The following SLC30A9 variants were observed in gnomAD, a reference collection of about 807,000 sequenced individuals.
SLC30A9 encodes the protein proton-coupled zinc antiporter SLC30A9, mitochondrial.
SLC30A9 carries 58 observed loss-of-function variants against 87.5 expected under a neutral mutation model. The observed-to-expected ratio is 0.66, with a 90% CI of 0.54 to 0.82. The LOEUF (loss-of-function observed/expected upper bound fraction) is 0.82. Ranked by LOEUF, SLC30A9 falls within the 40% of genes least tolerant of loss-of-function variation. The probability of loss-of-function intolerance (pLI) is 0.00; values close to 1 mark genes in which losing one functional copy is unlikely to be tolerated. For missense variants in SLC30A9, 557 were observed against 679.1 expected (o/e 0.82, Z 2.00); for synonymous variants, 234 against 233.0 (o/e 1.00, Z -0.04).
intron 6 of SLC30A9, among the ~76,000 whole-genome samples, chr4:42,034,431 T>G (rs1203666306): frequency 1.2e-5 from 1 of 86,012 alleles, no homozygotes; most frequent in Non-Finnish European, 3.2e-5. Context: ...CCCATTTCCC[T>G]GCCACCCCCC....
chr4:42,050,324 GTCTC>G (rs1717334261), intron 9 of SLC30A9, among the ~76,000 whole-genome samples: 2 of 152,070 alleles, frequency 1.3e-5, no homozygotes, highest in African/African-American at 4.8e-5. Context: ...CTTAAATACT[GTCTC>G]TATAAAATTT....
chr4:42,062,863 T>TA (rs1717919248), intron 10 of SLC30A9, 123 bp from the exon 11 acceptor site: 1 of 821,430 alleles, frequency 1.2e-6, no homozygotes, highest in Non-Finnish European at 1.8e-6. Context: ...CTTAACATCT[T>TA]ACTTAAATAT....
At chr4:42,040,798 AAAAAAAAAAAAAG>A (rs1445362484) in intron 8 of SLC30A9, among the ~76,000 whole-genome samples, 5 of 102,294 alleles carry the variant, frequency 4.9e-5, no homozygotes, top group Non-Finnish European at 8.0e-5. Flanking sequence ...TCTGTCTCAA[AAAAAAAAAAAAAG>A]AAAAAGAAAA....
chr4:42,071,073 A>G (rs142173165), intron 15 of SLC30A9, among the ~76,000 whole-genome samples: 2,225 of 152,204 alleles, frequency 0.015, 28 homozygotes, highest in South Asian at 0.023. Flanking sequence ...TCATTGGGCA[A>G]TGATTACCAA....
At chr4:42,015,151 A>G (rs1715658859) in intron 2 of SLC30A9, among the ~76,000 whole-genome samples, 2 of 152,218 alleles carry the variant, frequency 1.3e-5, no homozygotes, top group Non-Finnish European at 2.9e-5. Context: ...CCTGTTTCAA[A>G]ATACCTCATG....
chr4:42,037,885 C>T (rs1716757509), intron 7 of SLC30A9, among the ~76,000 whole-genome samples: 2 of 152,182 alleles, frequency 1.3e-5, no homozygotes, highest in South Asian at 4.1e-4. Flanking sequence ...ATTCTCATGC[C>T]TCAGCCTCCT....
intron 2 of SLC30A9, among the ~76,000 whole-genome samples, chr4:42,012,361 A>G (rs1715482070): frequency 6.6e-6 from 1 of 152,142 alleles, no homozygotes; most frequent in Admixed American, 6.6e-5. Context: ...AATAAATGCT[A>G]CTCTGGAATT....
intron 11 of SLC30A9, among the ~76,000 whole-genome samples, chr4:42,064,073 C>T (rs1284403469): frequency 6.6e-6 from 1 of 152,176 alleles, no homozygotes; most frequent in African/African-American, 2.4e-5. Context: ...GGATGTATCA[C>T]TCAGGTATGC....
chr4:42,066,942 G>A (rs1026754840), intron 13 of SLC30A9, 143 bp from the exon 14 acceptor site: 1 of 575,910 alleles, frequency 1.7e-6, no homozygotes, highest in Non-Finnish European at 3.0e-6. Flanking sequence ...ATTGAGCAAG[G>A]TTTTTAAAAT....
At chr4:42,028,586 C>G (rs1273997335) in intron 6 of SLC30A9, among the ~76,000 whole-genome samples, 1 of 152,174 alleles carries the variant, frequency 6.6e-6, no homozygotes, top group Non-Finnish European at 1.5e-5. Context: ...ATATTTAAAG[C>G]CTTTTCATCA....
chr4:42,012,585 A>G (rs907788031), intron 2 of SLC30A9, among the ~76,000 whole-genome samples: 5 of 152,298 alleles, frequency 3.3e-5, no homozygotes, highest in African/African-American at 1.2e-4. Flanking sequence ...CCCCTCAAGT[A>G]TTTATCCTTT....
At position 42,088,782 on chromosome 4, in the gene SLC30A9, AT is replaced by A. The variant is rs1183812748; in HGVS notation, c.*2659del. The A allele has an allele frequency of 1.3e-5, 2 of 152,142 alleles. No homozygotes were observed. Among genetic ancestry groups the A allele is most frequent in the Non-Finnish European group, 2.9e-5 (2 of 68,034 alleles). The allele number at this position is 152,142 out of a possible 1,614,324, so 9.4% of individuals were successfully genotyped here. ...ACATGGGATTACAATTCGACATGAG[AT>A]TTGGTGGGGACAAAGATCCAAAGCA... On this transcript the variant is annotated 3_prime_UTR_variant, in exon 18 of 18. Transcript: ENST00000264451.
intron 14 of SLC30A9, among the ~76,000 whole-genome samples, chr4:42,068,956 G>A (rs1038023485): frequency 3.3e-5 from 5 of 152,122 alleles, no homozygotes; most frequent in Admixed American, 6.5e-5. Context: ...ATAATTTTAG[G>A]TGACGAGCTT....
chr4:42,011,449 T>G (rs1256825710), intron 2 of SLC30A9, among the ~76,000 whole-genome samples: 5 of 152,164 alleles, frequency 3.3e-5, no homozygotes, highest in Non-Finnish European at 5.9e-5. Flanking sequence ...AACTTGCTGT[T>G]TCCTGGCTTA....
At chr4:42,055,818 A>G (rs964370602) in intron 9 of SLC30A9, among the ~76,000 whole-genome samples, 28 of 152,324 alleles carry the variant, frequency 1.8e-4, no homozygotes, top group African/African-American at 6.7e-4. Context: ...CCATTTATGC[A>G]GGTGCTGGAT....
At chr4:42,085,133 G>T (rs773315460) in intron 17 of SLC30A9, among the ~76,000 whole-genome samples, 5 of 152,156 alleles carry the variant, frequency 3.3e-5, no homozygotes, top group Non-Finnish European at 5.9e-5. Context: ...CACTTTGCAG[G>T]CTGTCTGACT....
Position 42,086,844 on chromosome 4 carries a change from T to C in SLC30A9, c.*718T>C, listed in dbSNP as rs530086351. 6.6e-6 allele frequency: 1 copy of C among 152,526 alleles called. No individual in the cohort carries two copies. Among genetic ancestry groups the C allele is most frequent in the Non-Finnish European group, 1.5e-5 (1 of 68,058 alleles). The allele number at this position is 152,526 out of a possible 1,614,324, so 9.4% of individuals were successfully genotyped here. A position where few individuals can be genotyped will look rare whatever the true frequency, so the allele number is the denominator to read the frequency against. Reference sequence around the variant, plus strand: ...CCCTTATTTGGTTTAATTTTTCTAATGTTAGGAGATATAGTCCTAGATATT... The same window carrying C: ...CCCTTATTTGGTTTAATTTTTCTAACGTTAGGAGATATAGTCCTAGATATT... On this transcript the variant is annotated 3_prime_UTR_variant, in exon 18 of 18. Transcript: ENST00000264451.
intron 14 of SLC30A9, 66 bp from the exon 15 acceptor site, chr4:42,070,460 C>A: frequency 1.6e-6 from 2 of 1,250,886 alleles, no homozygotes; most frequent in South Asian, 1.7e-5. Context: ...GTTCTTTGCT[C>A]TCTATAAAGT....
chr4:42,048,181 C>T (rs927778810), intron 8 of SLC30A9, among the ~76,000 whole-genome samples: 1 of 152,088 alleles, frequency 6.6e-6, no homozygotes. Flanking sequence ...ACCTATGTAA[C>T]AAACCTGCAC....
Sources: gnomAD v4.1 joint callset for allele counts (sites outside exome capture counted in the v4.1 genomes callset) on GRCh38, gnomAD v4.1.1 for gene constraint, MANE v1.5 for transcripts, NCBI Gene and HGNC (gene_info 2026-07-23, HGNC 2026-07-21) for gene names.